MGST2: variants seen among roughly 807,000 people sequenced by gnomAD.
The protein encoded by MGST2 is glutathione peroxidase MGST2.
A neutral mutation model predicts 16.6 loss-of-function variants in MGST2; 9 were observed. The observed-to-expected ratio is 0.54, with a 90% CI of 0.33 to 0.95. The LOEUF (loss-of-function observed/expected upper bound fraction) is 0.95, where lower values mean the gene tolerates loss of function less well. Among genes scored for constraint, MGST2 ranks in the 40% least tolerant of loss-of-function variants. The probability of loss-of-function intolerance (pLI) is 0.03; values close to 1 mark genes in which losing one functional copy is unlikely to be tolerated. For missense variants in MGST2, 159 were observed against 175.1 expected (o/e 0.91, Z 0.52); for synonymous variants, 79 against 68.0 (o/e 1.16, Z -0.79).
At chr4:139,699,984 A>T (rs981897389) in intron 3 of MGST2, among the ~76,000 whole-genome samples, 12 of 152,148 alleles carry the variant, frequency 7.9e-5, no homozygotes, top group African/African-American at 2.9e-4. Context: ...GTGAATCATG[A>T]CAGTGCCACT....
At position 139,715,769 on chromosome 4, in the gene MGST2, C is replaced by A. The variant is rs574021927; in HGVS notation, c.*48+11573C>A. Among the ~76,000 whole-genome samples the A allele has an allele frequency of 9.0e-3, 1,376 of 152,256 alleles. 11 individuals are homozygous for A. Among genetic ancestry groups the A allele is most frequent in the Non-Finnish European group, 0.016 (1,055 of 68,012 alleles). On this transcript the variant is annotated intron_variant, in intron 5 of 5. Coordinates refer to the MGST2 transcript ENST00000616265. The surrounding 1 kb of genome is among the most constrained non-coding windows in gnomAD (Gnocchi z 4.4). ...GGACGACCAGAGGTCACCCTCGTCG[C>A]TATTTTGGTTTTGGTGGGCTTTGGC...
chr4:139,675,718 G>A (rs1031197330), intron 1 of MGST2, among the ~76,000 whole-genome samples: 1 of 152,210 alleles, frequency 6.6e-6, no homozygotes, highest in Non-Finnish European at 1.5e-5. Flanking sequence ...AGGACTGAGC[G>A]CGCCGGGGAG....
chr4:139,685,983 C>A (rs1233505736), intron 2 of MGST2, among the ~76,000 whole-genome samples: 1 of 152,178 alleles, frequency 6.6e-6, no homozygotes, highest in Non-Finnish European at 1.5e-5. Context: ...TTATTCTGAG[C>A]CAAATATGAG....
At chr4:139,704,399 A>G, downstream of MGST2, 1 of 504,276 alleles carries the variant, frequency 2.0e-6, no homozygotes, top group South Asian at 2.0e-5. Context: ...CCGGTTGTGT[A>G]GGGACACAGC....
intron 5 of MGST2, chr4:139,717,969 A>T (rs1241480357): frequency 1.3e-5 from 2 of 152,104 alleles, no homozygotes; most frequent in African/African-American, 4.8e-5. Context: ...AATAAACTAC[A>T]TCTCCTTTCT....
At chr4:139,672,914 G>A (rs934493431) in intron 1 of MGST2, among the ~76,000 whole-genome samples, 1 of 152,094 alleles carries the variant, frequency 6.6e-6, no homozygotes, top group Non-Finnish European at 1.5e-5. Flanking sequence ...CAGCTTATTT[G>A]TAGCAGAAGG....
chr4:139,739,620 T>C (rs1289459302), intron 5 of MGST2, among the ~76,000 whole-genome samples: 2 of 148,176 alleles, frequency 1.3e-5, no homozygotes, highest in African/African-American at 4.9e-5. Context: ...CCTTAGACTA[T>C]CTAATCACAT....
chr4:139,751,014 T>G, the MGST2 span, among the ~76,000 whole-genome samples: 1 of 152,240 alleles, frequency 6.6e-6, no homozygotes, highest in Non-Finnish European at 1.5e-5. Context: ...ACTCTTTTCC[T>G]GAAGTTAGAG....
chr4:139,687,662 G>A (rs1204948033), intron 2 of MGST2: 1 of 152,192 alleles, frequency 6.6e-6, no homozygotes, highest in African/African-American at 2.4e-5. Context: ...ATCTTTAGGT[G>A]GACCTGGACA....
downstream of MGST2, among the ~76,000 whole-genome samples, chr4:139,743,563 T>C (rs535746667): frequency 1.4e-4 from 22 of 152,312 alleles, no homozygotes; most frequent in Admixed American, 6.5e-5. Flanking sequence ...TAAATATACA[T>C]GGCTGTAAAC....
intron 2 of MGST2, among the ~76,000 whole-genome samples, chr4:139,684,761 T>G (rs531203887): frequency 6.6e-6 from 1 of 152,098 alleles, no homozygotes; most frequent in East Asian, 1.9e-4. Flanking sequence ...GACAGGAAGG[T>G]TTTTCGACTG....
At chr4:139,714,974 C>T (rs1265399944) in intron 5 of MGST2, among the ~76,000 whole-genome samples, 1 of 152,146 alleles carries the variant, frequency 6.6e-6, no homozygotes, top group African/African-American at 2.4e-5. Flanking sequence ...GGAGATTAAT[C>T]CAAAGAGAAT....
intron 2 of MGST2, among the ~76,000 whole-genome samples, chr4:139,681,282 T>C (rs1731227657): frequency 6.6e-6 from 1 of 152,214 alleles, no homozygotes; most frequent in Non-Finnish European, 1.5e-5. Context: ...CCTCCCAAAG[T>C]GCTGGGAATA....
chr4:139,716,797 G>A (rs1438196394), intron 5 of MGST2: 2 of 152,508 alleles, frequency 1.3e-5, no homozygotes, highest in Non-Finnish European at 2.9e-5. Flanking sequence ...TTCTTTAAAA[G>A]TGGTATGTCA....
intron 3 of MGST2, chr4:139,698,171 T>C: frequency 1.9e-6 from 3 of 1,555,716 alleles, no homozygotes; most frequent in African/African-American, 1.4e-5. Context: ...GTATGCTGTG[T>C]GCTAGCTGGA....
Position 139,702,867 on chromosome 4 carries a change from T to TTTTTTTTTTTTTTTTTTTTTTTTTTTTC in MGST2, c.230-585_230-584insTTTTTTTTTTTTTTTTTTTTTTTTCTTT, listed in dbSNP as rs767366469. On this transcript the variant is annotated intron_variant, in intron 3 of 4. Transcript: ENST00000265498. ...TGGTTTTTTTTTTTTTTTTTTTTTT[T>TTTTTTTTTTTTTTTTTTTTTTTTTTTTC]TTTACAATTTTAGCCATTCTGTTGG... is the stretch of plus-strand genomic sequence containing the variant. Among the ~76,000 whole-genome samples the TTTTTTTTTTTTTTTTTTTTTTTTTTTTC allele has an allele frequency of 4.5e-5, 6 of 132,386 alleles. 1 individual carries two copies. Among genetic ancestry groups the TTTTTTTTTTTTTTTTTTTTTTTTTTTTC allele is most frequent in the Admixed American group, 7.7e-5 (1 of 12,980 alleles). The allele number at this position is 132,386 out of a possible 152,430, so 86.9% of individuals were successfully genotyped here. A position where few individuals can be genotyped will look rare whatever the true frequency, so the allele number is the denominator to read the frequency against.
At position 139,715,411 on chromosome 4, in the gene MGST2, T is replaced by A. The variant is rs138764402; in HGVS notation, c.*48+11215T>A. The stretch of plus-strand genomic sequence containing the variant: ...GTCCCTTCGGTGGTTGCCAGAAATA[T>A]GTTGCAGGACAGAGAAATGTGTTAC... On this transcript the variant is annotated intron_variant, in intron 5 of 5. Coordinates refer to the MGST2 transcript ENST00000616265. The surrounding 1 kb of genome is among the most constrained non-coding windows in gnomAD (Gnocchi z 4.4). Among the ~76,000 whole-genome samples the A allele has an allele frequency of 2.0e-4, 30 of 152,206 alleles. No homozygotes were observed. The highest frequency in any genetic ancestry group is 4.3e-4 in the Non-Finnish European group (29 of 68,034).
intron 5 of MGST2, chr4:139,719,393 T>C: frequency 6.2e-7 from 1 of 1,613,612 alleles, no homozygotes; most frequent in Non-Finnish European, 8.5e-7. Context: ...GATGATGGAG[T>C]CCACAAGGTC....
In MGST2 at chr4:139,665,920, C is replaced by A. The variant is rs574236280; in HGVS notation, c.-100C>A. The A allele has an allele frequency of 2.1e-5, 25 of 1,211,872 alleles. No homozygotes were observed. In the South Asian group the frequency reaches 2.8e-4, roughly 13 times the overall value. The allele number at this position is 1,211,872 out of a possible 1,614,324, so 75.1% of individuals were successfully genotyped here. A position where few individuals can be genotyped will look rare whatever the true frequency, so the allele number is the denominator to read the frequency against. ...CTTGAATCAGCCTTTTCCCCCCACCCGGTCCCCAACTTTGTTTACCCGATA... is the reference window on the plus strand; with the variant it reads ...CTTGAATCAGCCTTTTCCCCCCACCAGGTCCCCAACTTTGTTTACCCGATA... On this transcript the variant is annotated 5_prime_UTR_variant, in exon 1 of 5. Transcript: ENST00000265498.
Sources: allele counts gnomAD v4.1 joint callset (sites outside exome capture counted in the v4.1 genomes callset), GRCh38; gene constraint gnomAD v4.1.1; non-coding constraint Gnocchi (gnomAD v3.1); transcripts MANE v1.5; gene names NCBI Gene and HGNC (gene_info 2026-07-23, HGNC 2026-07-21).